Variants in KIRREL3 observed in about 807,000 individuals in gnomAD.
The protein encoded by KIRREL3 is kirre like nephrin family adhesion molecule 3.
KIRREL3 carries 36 observed loss-of-function variants against 89.7 expected under a neutral mutation model. That is an observed-to-expected ratio of 0.40 (90% CI 0.31 to 0.53). The LOEUF (loss-of-function observed/expected upper bound fraction) is 0.53, where lower values mean the gene tolerates loss of function less well. KIRREL3 is among the 20% of genes least tolerant of loss of function. The pLI, the probability that KIRREL3 is intolerant of heterozygous loss-of-function variation, is 0.49. For missense variants in KIRREL3, 864 were observed against 1,056.6 expected (o/e 0.82, Z 2.53); for synonymous variants, 445 against 441.4 (o/e 1.01, Z -0.10).
At chr11:126,961,731 T>A (rs1033366117) in intron 1 of KIRREL3, among the ~76,000 whole-genome samples, 5 of 152,212 alleles carry the variant, frequency 3.3e-5, no homozygotes, top group African/African-American at 1.2e-4. Context: ...TGAAACAACT[T>A]TTTATTGGAA....
At chr11:126,456,874 G>A (rs554868114) in intron 6 of KIRREL3, among the ~76,000 whole-genome samples, 2 of 152,336 alleles carry the variant, frequency 1.3e-5, no homozygotes, top group African/African-American at 4.8e-5. Context: ...TTCCGTAAAG[G>A]TTCTGGGGCA....
Position 126,525,700 on chromosome 11 carries a change from G to A in KIRREL3, c.283+838C>T, listed in dbSNP as rs975857748. 6.6e-6 allele frequency among the ~76,000 whole-genome samples: 1 copy of A among 152,110 alleles called. No individual in the cohort carries two copies. On this transcript the variant is annotated intron_variant, in intron 3 of 16. Coordinates refer to ENST00000525144, the MANE Select transcript of KIRREL3 (RefSeq NM_032531.4). The surrounding 1 kb of genome is among the most constrained non-coding windows in gnomAD (Gnocchi z 5.4). ...AATCACAGGGGAATGACACCCAGAG[G>A]TCCCTGCTTGTGAATTTTACTGTGT...
At position 126,563,111 on chromosome 11, in the gene KIRREL3, C is replaced by A. The variant is rs557748178; in HGVS notation, c.56-199G>T. Among the ~76,000 whole-genome samples, 2 of 152,192 alleles carry A rather than the reference C, an allele frequency of 1.3e-5. No individual in the cohort carries two copies. The highest frequency in any genetic ancestry group is 2.9e-5 in the Non-Finnish European group (2 of 68,030). On this transcript the variant is annotated intron_variant, in intron 1 of 16. Coordinates refer to ENST00000525144, the MANE Select transcript of KIRREL3 (RefSeq NM_032531.4). This position sits in a 1 kb window ranked among gnomAD's most constrained non-coding sequence, Gnocchi z 6.8. ...CTTCATTTTGATTCTCATAACAACC[C>A]TGTGAAGGATGTTTCCCCATTTTCT...
chr11:126,436,902 G>T lies in KIRREL3; in HGVS notation c.1461C>A (p.Asn487Lys), dbSNP rs760193544. ...TGGTCTGGAAGTCGGCCCGCACGAT[G>T]TTGCTGATGGTCAGGGTGGAGATGA... ...EGVISTLTIS[N>K]IVRADFQTIY... Residue 487 changes from asparagine (N) to lysine (K), a missense_variant, in exon 12 of 17, where the codon AAC becomes AAA. Physicochemically the swap from Asn to Lys is moderately conservative, Grantham distance 94. Coordinates refer to ENST00000525144, the MANE Select transcript of KIRREL3 (RefSeq NM_032531.4). The T allele has an allele frequency of 1.2e-6, 2 of 1,613,478 alleles. No individual in the cohort carries two copies. The highest frequency in any genetic ancestry group is 1.7e-6 in the Non-Finnish European group (2 of 1,179,830).
At position 126,432,655 on chromosome 11, in the gene KIRREL3, C is replaced by G. The variant is rs1290004394; in HGVS notation, c.1589-1129G>C. ...CCCCCACATCTCATGTGCTCGGTACCGCCCAGACTGCTGCTGCTCCGAGTC... is the reference window on the plus strand; with the variant it reads ...CCCCCACATCTCATGTGCTCGGTACGGCCCAGACTGCTGCTGCTCCGAGTC... On this transcript the variant is annotated intron_variant, in intron 13 of 16. Coordinates refer to ENST00000525144, the MANE Select transcript of KIRREL3 (RefSeq NM_032531.4). The surrounding 1 kb of genome is among the most constrained non-coding windows in gnomAD (Gnocchi z 6.2). 1.3e-5 allele frequency among the ~76,000 whole-genome samples: 2 copies of G among 152,062 alleles called. No homozygotes were observed. The highest frequency in any genetic ancestry group is 2.4e-5 in the African/African-American group (1 of 41,398).
At chr11:126,650,780 A>G (rs1354707210) in intron 1 of KIRREL3, among the ~76,000 whole-genome samples, 1 of 152,156 alleles carries the variant, frequency 6.6e-6, no homozygotes, top group African/African-American at 2.4e-5. Context: ...ATCTTTGGGT[A>G]TCTTTTTAGC....
At chr11:126,493,349 A>T (rs529072015) in intron 4 of KIRREL3, among the ~76,000 whole-genome samples, 1 of 152,006 alleles carries the variant, frequency 6.6e-6, no homozygotes, top group Admixed American at 6.5e-5. Flanking sequence ...GTGAAACCCC[A>T]TCTCTACTAA....
rs1335613069 is a variant in KIRREL3, at chr11:126,696,398, T to A, written c.56-133486A>T. ...ATCATCCATCCAATTTCTTATCCTG[T>A]AACTTCCAAGTTACCCTTAACTCCT... On this transcript the variant is annotated intron_variant, in intron 1 of 16. Coordinates refer to ENST00000525144, the MANE Select transcript of KIRREL3 (RefSeq NM_032531.4). The surrounding 1 kb of genome is among the most constrained non-coding windows in gnomAD (Gnocchi z 4.4). Among the ~76,000 whole-genome samples, 5 of 152,190 alleles carry A rather than the reference T, an allele frequency of 3.3e-5. No homozygotes were observed.
chr11:126,457,380 T>C (rs1351829292), intron 6 of KIRREL3, among the ~76,000 whole-genome samples: 2 of 151,628 alleles, frequency 1.3e-5, no homozygotes, highest in African/African-American at 4.9e-5. Context: ...CGTGTATGTG[T>C]GTATGCGTGT....
At chr11:126,483,683 G>A (rs1200867054) in intron 4 of KIRREL3, among the ~76,000 whole-genome samples, 1 of 152,196 alleles carries the variant, frequency 6.6e-6, no homozygotes, top group Admixed American at 6.5e-5. Flanking sequence ...CTCCAGTGAG[G>A]TCTCATCTCT....
Position 126,455,739 on chromosome 11 carries a change from G to C in KIRREL3, c.848+610C>G, listed in dbSNP as rs2134231043. ...TGAACCCAGGAGGCAGAGCTTGCCA[G>C]TGAGCTGAGATCACGCCACTGCACT... On this transcript the variant is annotated intron_variant, in intron 7 of 16. Coordinates refer to ENST00000525144, the MANE Select transcript of KIRREL3 (RefSeq NM_032531.4). The surrounding 1 kb of genome is among the most constrained non-coding windows in gnomAD (Gnocchi z 6.4). Among the ~76,000 whole-genome samples the C allele has an allele frequency of 6.6e-6, 1 of 152,308 alleles. No homozygotes were observed. Among genetic ancestry groups the C allele is most frequent in the East Asian group, 1.9e-4 (1 of 5,178 alleles).
rs376909220 is a variant in KIRREL3 at position 126,941,754 on chromosome 11, C to A, written c.55+58701G>T. Reference sequence around the variant, plus strand: ...TGGATGAAGGGTGCTATCCCCAAATCAGGGGCCGTGCCCTGGGAAGGATGG... The same window carrying A: ...TGGATGAAGGGTGCTATCCCCAAATAAGGGGCCGTGCCCTGGGAAGGATGG... On this transcript the variant is annotated intron_variant, in intron 1 of 16. Coordinates refer to ENST00000525144, the MANE Select transcript of KIRREL3 (RefSeq NM_032531.4). Among the ~76,000 whole-genome samples the A allele has an allele frequency of 2.0e-4, 30 of 152,336 alleles. 1 individual carries two copies. The highest frequency in any genetic ancestry group is 7.2e-4 in the African/African-American group (30 of 41,578).
At position 126,905,959 on chromosome 11, in the gene KIRREL3, GGTTTGTC is replaced by G. The variant is rs1179823446; in HGVS notation, c.55+94489_55+94495del. Among the ~76,000 whole-genome samples, 1 of 152,168 alleles carries G rather than the reference GGTTTGTC, an allele frequency of 6.6e-6. No individual in the cohort carries two copies. Among genetic ancestry groups the G allele is most frequent in the Non-Finnish European group, 1.5e-5 (1 of 68,034 alleles). On this transcript the variant is annotated intron_variant, in intron 1 of 16. Transcript: ENST00000525144. This position sits in a 1 kb window ranked among gnomAD's most constrained non-coding sequence, Gnocchi z 5.0. ...TGACAGGCAGAGCCATTCTGTTTGG[GGTTTGTC>G]TACAAAATTGTCAGTTCAGGTCTCC...
intron 1 of KIRREL3, among the ~76,000 whole-genome samples, chr11:126,887,754 T>A (rs566599451): frequency 6.6e-6 from 1 of 152,376 alleles, no homozygotes; most frequent in African/African-American, 2.4e-5. Flanking sequence ...CAGGATCTCA[T>A]CTCTACTCAA....
At position 126,563,877 on chromosome 11, in the gene KIRREL3, C is replaced by G. The variant is rs773946504; in HGVS notation, c.56-965G>C. On this transcript the variant is annotated intron_variant, in intron 1 of 16. Transcript: ENST00000525144. This position sits in a 1 kb window ranked among gnomAD's most constrained non-coding sequence, Gnocchi z 6.8. ...TAATTTTTTTGACCCCCCTCTACCC[C>G]CAAACAACTCACTGAGGTGGGCATA... Among the ~76,000 whole-genome samples, 2 of 152,168 alleles carry G rather than the reference C, an allele frequency of 1.3e-5. No individual in the cohort carries two copies. The highest frequency in any genetic ancestry group is 2.4e-5 in the African/African-American group (1 of 41,422).
chr11:126,558,088 G>C lies in KIRREL3; in HGVS notation c.133+4747C>G, dbSNP rs1438900663. Among the ~76,000 whole-genome samples, 2 of 152,174 alleles carry C rather than the reference G, an allele frequency of 1.3e-5. No homozygotes were observed. Among genetic ancestry groups the C allele is most frequent in the Non-Finnish European group, 2.9e-5 (2 of 68,038 alleles). On this transcript the variant is annotated intron_variant, in intron 2 of 16. Transcript: ENST00000525144. The surrounding 1 kb of genome is among the most constrained non-coding windows in gnomAD (Gnocchi z 4.0). Reference sequence around the variant, plus strand: ...ACGGAAACCGACACCCACCCTGATGGGCAGCCCAAGAAGGCACCAGTGTGA... The same window carrying C: ...ACGGAAACCGACACCCACCCTGATGCGCAGCCCAAGAAGGCACCAGTGTGA...
intron 1 of KIRREL3, among the ~76,000 whole-genome samples, chr11:126,959,499 T>C (rs926707159): frequency 2.0e-5 from 3 of 152,200 alleles, no homozygotes; most frequent in Non-Finnish European, 4.4e-5. Flanking sequence ...CTGCATGCTA[T>C]ACTTGAATAA....
At chr11:126,580,836 G>GTTTTTTTTTTTTTTTTTT (rs58691243) in intron 1 of KIRREL3, among the ~76,000 whole-genome samples, 1 of 140,810 alleles carries the variant, frequency 7.1e-6, no homozygotes, top group Non-Finnish European at 1.5e-5. Context: ...GGAATTTCCT[G>GTTTTTTTTTTTTTTTTTT]TTTTTTTTTT....
chr11:126,497,181 TGTGAGA>T (rs1957684497), intron 4 of KIRREL3, among the ~76,000 whole-genome samples: 2 of 123,480 alleles, frequency 1.6e-5, no homozygotes, highest in African/African-American at 3.3e-5. Context: ...TAAGAGAGTG[TGTGAGA>T]GTGTGAGTGT....
Sources: allele counts gnomAD v4.1 joint callset (sites outside exome capture counted in the v4.1 genomes callset), GRCh38; gene constraint gnomAD v4.1.1; non-coding constraint Gnocchi (gnomAD v3.1); transcripts MANE v1.5; gene names NCBI Gene and HGNC (gene_info 2026-07-23, HGNC 2026-07-21).